ARMC7: variants seen among roughly 807,000 people sequenced by gnomAD.
ARMC7 encodes armadillo repeat containing 7, also known as armadillo repeat-containing protein 7.
Under a neutral mutation model 14.8 loss-of-function variants are expected in ARMC7, and 9 were observed. That is an observed-to-expected ratio of 0.61 (90% CI 0.37 to 1.06). The LOEUF (loss-of-function observed/expected upper bound fraction) is 1.06. Among genes scored for constraint, ARMC7 ranks in the 50% least tolerant of loss-of-function variants. The probability of loss-of-function intolerance (pLI) is 0.01; values close to 1 mark genes in which losing one functional copy is unlikely to be tolerated. For synonymous variants in ARMC7, 125 were observed against 123.4 expected (o/e 1.01, Z -0.09); for missense variants, 262 against 267.1 (o/e 0.98, Z 0.13).
In ARMC7 at chr17:75,128,936, G is replaced by T; in HGVS notation, c.495G>T (p.Glu165Asp). The T allele has an allele frequency of 6.2e-7, 1 of 1,607,642 alleles. No individual in the cohort carries two copies. Residue 165 changes from glutamate to aspartate, a missense_variant, in exon 3 of 3, where the codon GAG becomes GAT. Transcript: ENST00000245543. The stretch of plus-strand genomic sequence containing the variant: ...GGAACCTGGCACAGATCTTCCTGGA[G>T]GACTTCTGCTCCCCCCGCCAGGTGG... ...RLRNLAQIFL[E>D]DFCSPRQVAE...
At chr17:75,127,421 T>C (rs904208010) in intron 2 of ARMC7, among the ~76,000 whole-genome samples, 2 of 151,914 alleles carry the variant, frequency 1.3e-5, no homozygotes, top group Non-Finnish European at 2.9e-5. Flanking sequence ...TGCCTCAGCC[T>C]CCCAAGTAGC....
At chr17:75,110,953 CA>C (rs537195116) in intron 2 of ARMC7, among the ~76,000 whole-genome samples, 4,643 of 49,822 alleles carry the variant, frequency 0.093, 36 homozygotes, top group African/African-American at 0.15. Context: ...GACCCCGTCT[CA>C]AAAAAAAAAA....
chr17:75,111,942 T>C (rs1456896325), intron 2 of ARMC7, among the ~76,000 whole-genome samples: 9 of 151,412 alleles, frequency 5.9e-5, no homozygotes, highest in Non-Finnish European at 1.3e-4. Flanking sequence ...GGAAAGGTCT[T>C]TGCCCCTCAG....
At chr17:75,125,862 C>T (rs1366134035) in intron 2 of ARMC7, among the ~76,000 whole-genome samples, 3 of 152,010 alleles carry the variant, frequency 2.0e-5, no homozygotes, top group African/African-American at 7.2e-5. Flanking sequence ...AAAAGGTTCC[C>T]TCAAAGCAGG....
intron 2 of ARMC7, among the ~76,000 whole-genome samples, chr17:75,112,689 C>T (rs952604524): frequency 4.0e-5 from 6 of 150,630 alleles, no homozygotes; most frequent in African/African-American, 1.5e-4. Flanking sequence ...AGTCTTCCTG[C>T]CTTAGCCTCC....
At chr17:75,111,583 TAA>T (rs913673713) in intron 2 of ARMC7, among the ~76,000 whole-genome samples, 2,614 of 132,790 alleles carry the variant, frequency 0.02, 32 homozygotes, top group Non-Finnish European at 0.033. Flanking sequence ...ATCTCTGCTT[TAA>T]AAAAAAAAAA....
chr17:75,116,488 G>A (rs116213415), intron 2 of ARMC7, among the ~76,000 whole-genome samples: 2,601 of 152,314 alleles, frequency 0.017, 72 homozygotes, highest in African/African-American at 0.059. Flanking sequence ...AGCTGGGTGC[G>A]GTGGCACGCG....
rs1194028052 is a variant in ARMC7, at chr17:75,130,148, C to G, written c.*1110C>G. 3.9e-6 allele frequency: 1 copy of G among 255,804 alleles called. No homozygotes were observed. Among genetic ancestry groups the G allele is most frequent in the Admixed American group, 5.0e-5 (1 of 20,190 alleles). The allele number at this position is 255,804 out of a possible 1,614,324, so 15.8% of individuals were successfully genotyped here. On this transcript the variant is annotated 3_prime_UTR_variant, in exon 3 of 3. Coordinates refer to ENST00000245543, the MANE Select transcript of ARMC7 (RefSeq NM_024585.4). ...GGGCAGATTAGGGGACCACTGGACT[C>G]AGAGGGGAGGGAAGGGCTCATCAGC...
intron 2 of ARMC7, among the ~76,000 whole-genome samples, chr17:75,116,629 A>G (rs961742167): frequency 2.0e-5 from 3 of 152,222 alleles, no homozygotes; most frequent in Admixed American, 6.5e-5. Context: ...CCGTCTCAAA[A>G]TAAATAAAGA....
rs1322473679 is a variant in ARMC7 at position 75,121,107 on chromosome 17, A to G, written c.236-7570A>G. Among the ~76,000 whole-genome samples the G allele has an allele frequency of 2.6e-5, 4 of 152,250 alleles. No individual in the cohort carries two copies. The South Asian group carries it at 8.3e-4, about 32-fold the overall frequency. ...TCGTATCTGATTTCTTTCACTCAAC[A>G]TTATGTTTTTCAGATTCATCCAAAT... On this transcript the variant is annotated intron_variant, in intron 2 of 2. Transcript: ENST00000245543.
chr17:75,120,830 A>G (rs1430773475), intron 2 of ARMC7, among the ~76,000 whole-genome samples: 3 of 152,010 alleles, frequency 2.0e-5, no homozygotes, highest in African/African-American at 7.2e-5. Flanking sequence ...AAAAAAAAAA[A>G]AAAAGATTGC....
chr17:75,124,971 G>A (rs1330775095), intron 2 of ARMC7, among the ~76,000 whole-genome samples: 2 of 152,330 alleles, frequency 1.3e-5, no homozygotes, highest in East Asian at 1.9e-4. Context: ...CCACAGCCAC[G>A]CTAGGGGCCA....
chr17:75,119,449 T>G (rs1334527436), intron 2 of ARMC7, among the ~76,000 whole-genome samples: 1 of 132,890 alleles, frequency 7.5e-6, no homozygotes, highest in Admixed American at 7.4e-5. Flanking sequence ...TGATACAGTT[T>G]TTTCTTTTTT....
intron 2 of ARMC7, among the ~76,000 whole-genome samples, chr17:75,120,878 G>T (rs528583110): frequency 8.0e-5 from 12 of 150,676 alleles, no homozygotes; most frequent in Non-Finnish European, 1.6e-4. Context: ...TATCTTAAGT[G>T]TCAGTTTGGT....
chr17:75,113,522 A>AT (rs2073947870), intron 2 of ARMC7, among the ~76,000 whole-genome samples: 1 of 149,726 alleles, frequency 6.7e-6, no homozygotes, highest in South Asian at 2.1e-4. Flanking sequence ...GGCCCGGCTA[A>AT]TTTTTTGTAC....
chr17:75,116,967 C>CT (rs2073977544), intron 2 of ARMC7, among the ~76,000 whole-genome samples: 1 of 152,188 alleles, frequency 6.6e-6, no homozygotes, highest in East Asian at 1.9e-4. Context: ...TGCCTCCTCT[C>CT]TGAGGGCTGG....
chr17:75,128,512 G>A (rs193296910), intron 2 of ARMC7, among the ~76,000 whole-genome samples, 165 bp from the exon 3 acceptor site: 7 of 152,320 alleles, frequency 4.6e-5, no homozygotes, highest in Non-Finnish European at 8.8e-5. Flanking sequence ...CAGGCAGGCA[G>A]GCCTTTCTGG....
Position 75,128,840 on chromosome 17 carries a change from C to A in ARMC7, c.399C>A (p.Leu133=), listed in dbSNP as rs367787212. 2 of 1,613,188 alleles carry A rather than the reference C, an allele frequency of 1.2e-6. No homozygotes were observed. Among genetic ancestry groups the A allele is most frequent in the Non-Finnish European group, 1.7e-6 (2 of 1,180,012 alleles). The change falls in exon 3 of 3, where the codon CTC becomes CTA. Residue 133 remains leucine, a synonymous_variant. Coordinates refer to ENST00000245543, the MANE Select transcript of ARMC7 (RefSeq NM_024585.4). ...TGAGCCCGCCGGGCCGCAGCTTTCT[C>A]CCAGAGCTGACCGCCACGCCCGTGG... The part of the protein sequence containing the change: ...MHLSPPGRSF[L]PELTATPVVQ...
intron 2 of ARMC7, among the ~76,000 whole-genome samples, chr17:75,117,176 A>G (rs377183247): frequency 1.3e-5 from 2 of 152,156 alleles, no homozygotes; most frequent in African/African-American, 4.8e-5. Context: ...TACCTGGTTC[A>G]AGCAATTCTC....
Sources: gnomAD v4.1 joint callset for allele counts (sites outside exome capture counted in the v4.1 genomes callset) on GRCh38, gnomAD v4.1.1 for gene constraint, MANE v1.5 for transcripts, NCBI Gene and HGNC (gene_info 2026-07-23, HGNC 2026-07-21) for gene names.